Variants in LRCH2 observed in about 807,000 individuals in gnomAD.
The protein encoded by LRCH2 is leucine-rich repeat and calponin homology domain-containing protein 2.
LRCH2 carries 38 observed loss-of-function variants against 68.9 expected under a neutral mutation model. The observed-to-expected ratio is 0.55, with a 90% CI of 0.43 to 0.72. The LOEUF is 0.72. LRCH2 is among the 30% of genes least tolerant of loss of function. The pLI is 0.00. For missense variants in LRCH2, 528 were observed against 572.9 expected (o/e 0.92, Z 0.80); for synonymous variants, 191 against 208.1 (o/e 0.92, Z 0.71).
intron 8 of LRCH2, 21 bp from the exon 9 acceptor site, chrX:115,165,676 A>G: frequency 9.5e-7 from 1 of 1,056,759 alleles, no homozygotes; most frequent in Non-Finnish European, 1.3e-6. Context: ...ATTAATATTT[A>G]TTAGAAAATG....
chrX:115,203,712 G>C (rs1366780989), intron 1 of LRCH2, among the ~76,000 whole-genome samples: 5 of 112,674 alleles, frequency 4.4e-5, no homozygotes, highest in African/African-American at 1.6e-4. Context: ...CACACTGATG[G>C]AAGGGGTGGG....
At chrX:115,189,744 C>T (rs781887005) in intron 1 of LRCH2, 59 of 1,165,556 alleles carry the variant, frequency 5.1e-5, no homozygotes, top group African/African-American at 2.1e-4. Context: ...CCCCCGGCAG[C>T]GGCAGTCGCT....
intron 11 of LRCH2, among the ~76,000 whole-genome samples, chrX:115,160,900 C>T (rs1274327258): frequency 1.8e-5 from 2 of 111,563 alleles, no homozygotes; most frequent in African/African-American, 6.5e-5. Context: ...TCTAAAAGAT[C>T]TAAGCAATAG....
chrX:115,185,756 G>A (rs781830367), intron 2 of LRCH2, among the ~76,000 whole-genome samples: 10 of 111,212 alleles, frequency 9.0e-5, no homozygotes, highest in South Asian at 3.8e-4. Context: ...ATAATGGCCA[G>A]ACTGCTGGAA....
intron 14 of LRCH2, among the ~76,000 whole-genome samples, chrX:115,133,984 T>C (rs1315782353): frequency 1.8e-5 from 2 of 112,166 alleles, no homozygotes; most frequent in Admixed American, 9.5e-5. Flanking sequence ...AACCAAGCTG[T>C]GAATGCAAAA....
At chrX:115,191,802 C>G (rs782470859) in intron 1 of LRCH2, 5 of 1,141,486 alleles carry the variant, frequency 4.4e-6, no homozygotes, top group Non-Finnish European at 4.7e-6. Context: ...GCCGCTCGCT[C>G]GATGCCAACA....
Position 115,188,335 on chromosome X carries a change from C to A in LRCH2, c.385G>T (p.Asp129Tyr). The A allele has an allele frequency of 8.4e-7, 1 of 1,188,927 alleles. No individual in the cohort carries two copies. Among genetic ancestry groups the A allele is most frequent in the Admixed American group, 2.3e-5 (1 of 42,706 alleles). The part of the protein sequence containing the change: ...SRNRFTEIPS[D>Y]VWLFAPLETL... ...TCAAGGGGTGCAAATAACCAGACATCAGAAGGAATTTCTGTAAAACGATTT... is the reference window on the plus strand; with the variant it reads ...TCAAGGGGTGCAAATAACCAGACATAAGAAGGAATTTCTGTAAAACGATTT... Residue 129 changes from aspartate to tyrosine, a missense_variant, in exon 2 of 21, where the codon GAT becomes TAT. By Grantham distance (160) the Asp-to-Tyr change is radical. Transcript: ENST00000317135.
At chrX:115,170,099 A>C (rs2072593400) in intron 6 of LRCH2, among the ~76,000 whole-genome samples, 200 bp downstream of exon 6, 1 of 111,972 alleles carries the variant, frequency 8.9e-6, no homozygotes, top group Non-Finnish European at 1.9e-5. Flanking sequence ...CTAAAACTTT[A>C]ATGATTGAGA....
At chrX:115,171,813 G>T (rs1556547618) in intron 5 of LRCH2, among the ~76,000 whole-genome samples, 1 of 109,024 alleles carries the variant, frequency 9.2e-6, no homozygotes, top group African/African-American at 3.3e-5. Context: ...TAGCTGGGAT[G>T]AAATTACAGG....
intron 5 of LRCH2, among the ~76,000 whole-genome samples, chrX:115,171,960 C>A (rs1291859759): frequency 9.0e-6 from 1 of 111,151 alleles, no homozygotes; most frequent in Non-Finnish European, 1.9e-5. Flanking sequence ...GGATTACAGG[C>A]ATGAACCACC....
At chrX:115,178,166 C>T (rs1556551532) in intron 5 of LRCH2, among the ~76,000 whole-genome samples, 1 of 110,863 alleles carries the variant, frequency 9.0e-6, no homozygotes, top group Non-Finnish European at 1.9e-5. Context: ...TAAGGATCTA[C>T]CTACTCCTTA....
chrX:115,192,001 C>T (rs782373258), intron 1 of LRCH2: 22 of 1,166,025 alleles, frequency 1.9e-5, no homozygotes, highest in African/African-American at 5.4e-5. Context: ...CCGGAGCCAC[C>T]GCTATGGAGG....
Position 115,112,549 on chromosome X carries a change from T to G in LRCH2, c.*667A>C. ...TGACTTTACAAAATCTACTAAAATATTTTAAAGTTCCATTGACTCTATTAA... is the reference window on the plus strand; with the variant it reads ...TGACTTTACAAAATCTACTAAAATAGTTTAAAGTTCCATTGACTCTATTAA... On this transcript the variant is annotated 3_prime_UTR_variant, in exon 21 of 21. Coordinates refer to ENST00000317135, the MANE Select transcript of LRCH2 (RefSeq NM_020871.4). 1 of 111,640 alleles carries G rather than the reference T, an allele frequency of 9.0e-6. No homozygotes were observed. Among genetic ancestry groups the G allele is most frequent in the Non-Finnish European group, 1.9e-5 (1 of 52,838 alleles). 9.2% of individuals were successfully genotyped at this position (111,640 alleles called of 1,213,427 possible).
At chrX:115,127,870 G>A (rs1269580606) in intron 15 of LRCH2, among the ~76,000 whole-genome samples, 1 of 111,595 alleles carries the variant, frequency 9.0e-6, no homozygotes, top group African/African-American at 3.3e-5. Context: ...TGAAAGAAGA[G>A]CAAGTTGTGA....
intron 5 of LRCH2, among the ~76,000 whole-genome samples, chrX:115,175,625 C>T (rs2072640746): frequency 8.9e-6 from 1 of 111,965 alleles, no homozygotes; most frequent in African/African-American, 3.3e-5. Context: ...ATTCTGAAGG[C>T]TCCAGTGTCA....
At chrX:115,191,220 G>C (rs1332515387) in intron 1 of LRCH2, 1 of 1,155,380 alleles carries the variant, frequency 8.7e-7, no homozygotes, top group East Asian at 3.4e-5. Context: ...GCTACGAGGA[G>C]TACCGAGGCC....
Position 115,137,660 on chromosome X carries a change from G to A in LRCH2, c.1696-7461C>T, listed in dbSNP as rs782804567. ...GCTATTTCAATGGAGAAATGGAAGC[G>A]AACGCCAGATTGCAGTGGGTTAAGG... On this transcript the variant is annotated intron_variant, in intron 14 of 20. Coordinates refer to ENST00000317135, the MANE Select transcript of LRCH2 (RefSeq NM_020871.4). Among the ~76,000 whole-genome samples, 7 of 111,854 alleles carry A rather than the reference G, an allele frequency of 6.3e-5. No individual in the cohort carries two copies. In the East Asian group the frequency reaches 1.1e-3, roughly 18 times the overall value.
Position 115,163,790 on chromosome X carries a change from G to A in LRCH2, c.1356-7C>T. The A allele has an allele frequency of 1.7e-6, 2 of 1,143,455 alleles. No homozygotes were observed. Among genetic ancestry groups the A allele is most frequent in the Non-Finnish European group, 2.4e-6 (2 of 843,496 alleles). 94.2% of individuals were successfully genotyped at this position (1,143,455 alleles called of 1,213,427 possible). On this transcript the variant is annotated splice_polypyrimidine_tract_variant and splice_region_variant and intron_variant, in intron 10 of 20. Transcript: ENST00000317135. ...TAACTGTTCTTTCTCAAGTCTGAAAGGTGACACAAACATGGTTATCCAAAA... is the reference window on the plus strand; with the variant it reads ...TAACTGTTCTTTCTCAAGTCTGAAAAGTGACACAAACATGGTTATCCAAAA...
intron 20 of LRCH2, among the ~76,000 whole-genome samples, chrX:115,122,137 C>T (rs1263175139): frequency 1.9e-5 from 2 of 106,712 alleles, no homozygotes; most frequent in Non-Finnish European, 1.9e-5. Flanking sequence ...AAGCTATTCA[C>T]ACTGAATGCA....
Sources: gnomAD v4.1 joint callset for allele counts (sites outside exome capture counted in the v4.1 genomes callset) on GRCh38, gnomAD v4.1.1 for gene constraint, MANE v1.5 for transcripts, NCBI Gene and HGNC (gene_info 2026-07-23, HGNC 2026-07-21) for gene names.